The following RABGAP1L variants were observed in gnomAD, a reference collection of about 807,000 sequenced individuals.
RABGAP1L encodes rab GTPase-activating protein 1-like.
In RABGAP1L, 63 loss-of-function variants were observed where a neutral mutation model predicts 137.7. The ratio of observed to expected loss-of-function variants is 0.46; its 90% CI spans 0.37 to 0.56. The LOEUF is 0.56. RABGAP1L is among the 20% of genes least tolerant of loss of function. RABGAP1L has a pLI of 0.00. For synonymous variants in RABGAP1L, 431 were observed against 433.7 expected, an observed-to-expected ratio of 0.99 and a Z score of 0.08; for missense variants, 1,095 against 1,244.0, an observed-to-expected ratio of 0.88 and a Z score of 1.80.
At position 174,357,509 on chromosome 1, in the gene RABGAP1L, C is replaced by T. The variant is rs537710101; in HGVS notation, c.1466-13470C>T. Among the ~76,000 whole-genome samples the T allele has an allele frequency of 7.4e-4, 112 of 152,276 alleles. 4 individuals carry two copies. In the South Asian group the frequency reaches 0.022, roughly 29 times the overall value. Reference sequence around the variant, plus strand: ...TAGTCCCAGCACTCAAAGAGCCTGGCTTCTAGGAAAGAGAAAAGACATGTA... The same window carrying T: ...TAGTCCCAGCACTCAAAGAGCCTGGTTTCTAGGAAAGAGAAAAGACATGTA... On this transcript the variant is annotated intron_variant, in intron 11 of 25. Transcript: ENST00000681986.
At chr1:174,222,301 C>T (rs1486006374) in intron 3 of RABGAP1L, among the ~76,000 whole-genome samples, 1 of 152,132 alleles carries the variant, frequency 6.6e-6, no homozygotes, top group East Asian at 1.9e-4. Flanking sequence ...TCCTAATTGG[C>T]TTAGGAAACT....
chr1:174,832,782 C>T (rs1033027532), intron 19 of RABGAP1L, among the ~76,000 whole-genome samples: 2 of 152,218 alleles, frequency 1.3e-5, no homozygotes, highest in South Asian at 2.1e-4. Context: ...CTTGCCACTC[C>T]TACATATTTT....
intron 13 of RABGAP1L, among the ~76,000 whole-genome samples, chr1:174,503,261 C>G (rs900622292): frequency 2.0e-5 from 3 of 152,118 alleles, no homozygotes; most frequent in Admixed American, 2.0e-4. Context: ...GATGAATTGT[C>G]AAGAAAGAAT....
At chr1:174,523,439 AAAATT>A (rs1663600885) in intron 13 of RABGAP1L, among the ~76,000 whole-genome samples, 1 of 152,228 alleles carries the variant, frequency 6.6e-6, no homozygotes, top group Non-Finnish European at 1.5e-5. Context: ...AAGCTAAACT[AAAATT>A]AATATCTGGG....
chr1:174,644,493 A>G (rs1228467772), intron 14 of RABGAP1L, among the ~76,000 whole-genome samples: 5 of 151,832 alleles, frequency 3.3e-5, no homozygotes, highest in African/African-American at 4.8e-5. Context: ...AAAAAACACT[A>G]CTCTTTCAGG....
chr1:174,889,128 CTTT>C (rs34006510), intron 19 of RABGAP1L, among the ~76,000 whole-genome samples: 2 of 144,508 alleles, frequency 1.4e-5, no homozygotes, highest in Admixed American at 7.0e-5. Flanking sequence ...TTAATTTTAA[CTTT>C]TTTTTTTTTT....
intron 18 of RABGAP1L, among the ~76,000 whole-genome samples, chr1:174,755,350 T>C (rs932942436): frequency 1.3e-5 from 2 of 152,236 alleles, no homozygotes; most frequent in Admixed American, 1.3e-4. Flanking sequence ...TATTTACTTA[T>C]ATGAAACATT....
intron 19 of RABGAP1L, among the ~76,000 whole-genome samples, chr1:174,841,915 A>T (rs1693456609): frequency 6.6e-6 from 1 of 152,030 alleles, no homozygotes. Context: ...ACCATATAAC[A>T]GCTGCCTAAC....
At chr1:174,792,498 A>G (rs1253698768) in intron 18 of RABGAP1L, among the ~76,000 whole-genome samples, 1 of 152,216 alleles carries the variant, frequency 6.6e-6, no homozygotes, top group Non-Finnish European at 1.5e-5. Context: ...TAAAATATTT[A>G]ATTGAGGTGA....
chr1:174,162,877 G>A (rs1364176659), intron 1 of RABGAP1L, among the ~76,000 whole-genome samples: 2 of 130,996 alleles, frequency 1.5e-5, no homozygotes, highest in Non-Finnish European at 3.1e-5. Flanking sequence ...GTGCCATGCT[G>A]GGAATTGAAC....
intron 14 of RABGAP1L, among the ~76,000 whole-genome samples, chr1:174,669,182 G>A (rs767492074): frequency 6.6e-6 from 1 of 152,004 alleles, no homozygotes; most frequent in African/African-American, 2.4e-5. Context: ...TTCACAGGGC[G>A]GCAAGAAGGA....
chr1:174,326,930 C>T (rs1680483762), intron 11 of RABGAP1L, among the ~76,000 whole-genome samples: 1 of 152,048 alleles, frequency 6.6e-6, no homozygotes, highest in Non-Finnish European at 1.5e-5. Flanking sequence ...ATCAAACAAA[C>T]GAGAAACCTG....
intron 13 of RABGAP1L, among the ~76,000 whole-genome samples, chr1:174,590,349 TTTA>T (rs1331686639): frequency 4.7e-5 from 6 of 126,590 alleles, no homozygotes; most frequent in African/African-American, 1.8e-4. Context: ...TTTTTTTTTA[TTTA>T]TTTTTTTTTT....
At chr1:174,569,544 C>G (rs1572356664) in intron 13 of RABGAP1L, among the ~76,000 whole-genome samples, 1 of 152,172 alleles carries the variant, frequency 6.6e-6, no homozygotes, top group Admixed American at 6.5e-5. Context: ...TTTCCTCTTA[C>G]TTTTTCACCT....
At chr1:174,596,410 G>T (rs1669922756) in intron 13 of RABGAP1L, among the ~76,000 whole-genome samples, 2 of 152,090 alleles carry the variant, frequency 1.3e-5, no homozygotes, top group Admixed American at 6.5e-5. Context: ...GTGTTTTGTA[G>T]TTCTTATTGT....
In RABGAP1L at chr1:174,652,267, C is replaced by T. The variant is rs187277690; in HGVS notation, c.1824+14779C>T. ...TACCTTTCTCTCTGGCTGCCCTTAA[C>T]ATTTTTTCCTTCATTTCCACTGTGG... On this transcript the variant is annotated intron_variant, in intron 14 of 25. Transcript: ENST00000681986. Among the ~76,000 whole-genome samples, 246 of 152,288 alleles carry T rather than the reference C, an allele frequency of 1.6e-3. 1 individual carries two copies. The highest frequency in any genetic ancestry group is 5.5e-3 in the African/African-American group (230 of 41,562).
chr1:174,858,316 C>G (rs1032681039), intron 19 of RABGAP1L, among the ~76,000 whole-genome samples: 1 of 152,124 alleles, frequency 6.6e-6, no homozygotes, highest in African/African-American at 2.4e-5. Flanking sequence ...CACACTAGAC[C>G]AGTAATTTTA....
intron 14 of RABGAP1L, among the ~76,000 whole-genome samples, chr1:174,639,539 T>C (rs1674352289): frequency 6.6e-6 from 1 of 152,156 alleles, no homozygotes; most frequent in Non-Finnish European, 1.5e-5. Context: ...TTATGGCATA[T>C]GCAACATTTT....
In RABGAP1L at chr1:174,448,366, T is replaced by C. The variant is rs999716258; in HGVS notation, c.1710+54221T>C. The C allele has an allele frequency of 1.2e-6, 2 of 1,613,982 alleles. No individual in the cohort carries two copies. Among genetic ancestry groups the C allele is most frequent in the Non-Finnish European group, 1.7e-6 (2 of 1,179,830 alleles). ...GCTATTTCATTCAGACGATGGCATA[T>C]GCTGATCTTTTCGTTGGAGTTAGCT... is the stretch of plus-strand genomic sequence containing the variant. On this transcript the variant is annotated intron_variant, in intron 13 of 25. Transcript: ENST00000681986. The surrounding 1 kb of genome is among the most constrained non-coding windows in gnomAD (Gnocchi z 4.2).
Sources: allele counts gnomAD v4.1 joint callset (sites outside exome capture counted in the v4.1 genomes callset), GRCh38; gene constraint gnomAD v4.1.1; non-coding constraint Gnocchi (gnomAD v3.1); transcripts MANE v1.5; gene names NCBI Gene and HGNC (gene_info 2026-07-23, HGNC 2026-07-21).